Variants in MYO10 observed in about 807,000 individuals in gnomAD.
MYO10 encodes unconventional myosin-X.
A neutral mutation model predicts 257.3 loss-of-function variants in MYO10; 133 were observed. The ratio of observed to expected loss-of-function variants is 0.52; its 90% CI spans 0.45 to 0.60. MYO10 has a LOEUF of 0.60. MYO10 is among the 20% of genes least tolerant of loss of function. The pLI is 0.00. For missense variants in MYO10, 2,399 were observed against 2,635.7 expected, an observed-to-expected ratio of 0.91 and a Z score of 1.97; for synonymous variants, 1,104 against 1,028.6, an observed-to-expected ratio of 1.07 and a Z score of -1.40.
Position 16,804,030 on chromosome 5 carries a change from G to A in MYO10, c.280-9197C>T, listed in dbSNP as rs558975759. ...GGGGACAATAAGATATTGTCCCTAC[G>A]GTCACGGAGCCCGTGAGTCAGAGTG... On this transcript the variant is annotated intron_variant, in intron 3 of 40. Transcript: ENST00000513610. Among the ~76,000 whole-genome samples, 16 of 152,278 alleles carry A rather than the reference G, an allele frequency of 1.1e-4. No individual in the cohort carries two copies. The South Asian group carries it at 2.3e-3, about 22-fold the overall frequency.
At chr5:16,724,794 C>CACAT (rs1213813319) in intron 19 of MYO10, among the ~76,000 whole-genome samples, 1 of 152,056 alleles carries the variant, frequency 6.6e-6, no homozygotes, top group Non-Finnish European at 1.5e-5. Flanking sequence ...ATAATACATA[C>CACAT]ACATACATAC....
intron 30 of MYO10, 117 bp from the exon 31 acceptor site, chr5:16,682,130 C>T: frequency 1.7e-6 from 2 of 1,195,576 alleles, no homozygotes; most frequent in East Asian, 4.8e-5. Context: ...ATATACACTG[C>T]TAGGCTATCT....
intron 19 of MYO10, among the ~76,000 whole-genome samples, chr5:16,749,484 CAA>C (rs5866205): frequency 0.022 from 1,739 of 80,562 alleles, 41 homozygotes; most frequent in African/African-American, 0.061. Flanking sequence ...GACTCCACCT[CAA>C]AAAAAAAAAA....
chr5:16,729,980 C>T (rs1739519433), intron 19 of MYO10, among the ~76,000 whole-genome samples: 1 of 152,106 alleles, frequency 6.6e-6, no homozygotes, highest in Non-Finnish European at 1.5e-5. Flanking sequence ...GGAAGAGGGG[C>T]ACCGAGGGGA....
intron 2 of MYO10, among the ~76,000 whole-genome samples, chr5:16,836,170 T>C (rs1743306067): frequency 6.6e-6 from 1 of 151,970 alleles, no homozygotes; most frequent in Non-Finnish European, 1.5e-5. Flanking sequence ...CCAAAAAGAG[T>C]GTCTGGAGAT....
chr5:16,891,101 G>A lies in MYO10; in HGVS notation c.22-13394C>T, dbSNP rs149436546. On this transcript the variant is annotated intron_variant, in intron 1 of 40. Transcript: ENST00000513610. ...TGTTAGAGACCGGCCTGACTAACGT[G>A]GTGAAACCCAGTCTCCACTAAAACA... Among the ~76,000 whole-genome samples the A allele has an allele frequency of 2.5e-3, 373 of 151,808 alleles. 6 individuals are homozygous for A. Among genetic ancestry groups the A allele is most frequent in the Admixed American group, 0.021 (328 of 15,276 alleles).
At chr5:16,805,607 A>C (rs1742253971) in intron 3 of MYO10, among the ~76,000 whole-genome samples, 1 of 152,218 alleles carries the variant, frequency 6.6e-6, no homozygotes, top group Admixed American at 6.5e-5. Context: ...ATGCAGTTTA[A>C]GACTGTGGAC....
intron 2 of MYO10, among the ~76,000 whole-genome samples, chr5:16,843,743 A>G (rs1743552110): frequency 6.6e-6 from 1 of 152,132 alleles, no homozygotes; most frequent in Admixed American, 6.5e-5. Flanking sequence ...ATATATAGTG[A>G]TGGGTAAATT....
rs1030858305 is a variant in MYO10, at chr5:16,684,072, A to G, written c.3991-137T>C. 8 of 744,346 alleles carry G rather than the reference A, an allele frequency of 1.1e-5. No individual in the cohort carries two copies. The African/African-American group carries it at 1.4e-4, about 13-fold the overall frequency. The allele number at this position is 744,346 out of a possible 1,614,324, so 46.1% of individuals were successfully genotyped here. On this transcript the variant is annotated intron_variant, in intron 29 of 40. Coordinates refer to ENST00000513610, the MANE Select transcript of MYO10 (RefSeq NM_012334.3). ...TTTAACTTCAAAATAATAGTTATCT[A>G]TGAGACGACTCCTCTGTTGTGTGAG... is the stretch of plus-strand genomic sequence containing the variant.
intron 28 of MYO10, among the ~76,000 whole-genome samples, chr5:16,687,584 T>TA (rs1011896645): frequency 5.3e-5 from 8 of 151,634 alleles, no homozygotes; most frequent in African/African-American, 1.9e-4. Context: ...ATGTTTAAGT[T>TA]AAAAAAATGA....
At chr5:16,706,924 G>C (rs909004219) in intron 21 of MYO10, among the ~76,000 whole-genome samples, 23 of 152,176 alleles carry the variant, frequency 1.5e-4, no homozygotes, top group African/African-American at 5.1e-4. Flanking sequence ...GAAGGAAAGT[G>C]ATAGGTTTGG....
At chr5:16,900,512 A>G (rs2049540723) in intron 1 of MYO10, among the ~76,000 whole-genome samples, 1 of 152,060 alleles carries the variant, frequency 6.6e-6, no homozygotes. Flanking sequence ...GTAAATTCCC[A>G]CCACCTCCCA....
At chr5:16,682,224 C>A (rs1737040631) in intron 30 of MYO10, among the ~76,000 whole-genome samples, 1 of 152,218 alleles carries the variant, frequency 6.6e-6, no homozygotes, top group African/African-American at 2.4e-5. Context: ...GCAACACATT[C>A]ATTCTGAAGG....
intron 9 of MYO10, among the ~76,000 whole-genome samples, chr5:16,776,837 G>T (rs999027838): frequency 6.6e-6 from 1 of 152,186 alleles, no homozygotes; most frequent in African/African-American, 2.4e-5. Flanking sequence ...GCTCCCTAGC[G>T]GCCAACAAGC....
chr5:16,690,325 G>A (rs577543884), intron 27 of MYO10, among the ~76,000 whole-genome samples: 1 of 152,304 alleles, frequency 6.6e-6, no homozygotes, highest in Non-Finnish European at 1.5e-5. Flanking sequence ...GATGGCTGCA[G>A]TGGGGTGGGG....
At chr5:16,873,707 C>T (rs554009471) in intron 2 of MYO10, among the ~76,000 whole-genome samples, 1 of 152,350 alleles carries the variant, frequency 6.6e-6, no homozygotes, top group South Asian at 2.1e-4. Flanking sequence ...TGTGCACCTG[C>T]AGACTCAACA....
chr5:16,869,522 C>A (rs1744389304), intron 2 of MYO10, among the ~76,000 whole-genome samples: 1 of 151,792 alleles, frequency 6.6e-6, no homozygotes, highest in Non-Finnish European at 1.5e-5. Context: ...TGAGCTACGA[C>A]TGGACCACTG....
At chr5:16,889,848 T>C (rs573732060) in intron 1 of MYO10, among the ~76,000 whole-genome samples, 2 of 151,872 alleles carry the variant, frequency 1.3e-5, no homozygotes, top group Admixed American at 6.5e-5. Flanking sequence ...TTACCTCCCA[T>C]TTCCCAGTTT....
intron 21 of MYO10, among the ~76,000 whole-genome samples, chr5:16,708,461 T>G (rs1738445217): frequency 6.6e-6 from 1 of 152,228 alleles, no homozygotes; most frequent in Admixed American, 6.5e-5. Flanking sequence ...GGATTAGTAC[T>G]TGGAGCCCAG....
Sources: gnomAD v4.1 joint callset for allele counts (sites outside exome capture counted in the v4.1 genomes callset) on GRCh38, gnomAD v4.1.1 for gene constraint, MANE v1.5 for transcripts, NCBI Gene and HGNC (gene_info 2026-07-23, HGNC 2026-07-21) for gene names.